The following TAFA5 variants were observed in gnomAD, a reference collection of about 807,000 sequenced individuals.
TAFA5 encodes chemokine-like protein TAFA-5.
In TAFA5, 6 loss-of-function variants were observed where a neutral mutation model predicts 15.3. The ratio of observed to expected loss-of-function variants is 0.39; its 90% CI spans 0.21 to 0.77. The LOEUF is 0.77. Ranked by LOEUF, TAFA5 falls within the 30% of genes least tolerant of loss-of-function variation. The pLI, the probability that TAFA5 is intolerant of heterozygous loss-of-function variation, is 0.41. For synonymous variants in TAFA5, 103 were observed against 80.7 expected, an observed-to-expected ratio of 1.28 and a Z score of -1.48; for missense variants, 161 against 193.1, an observed-to-expected ratio of 0.83 and a Z score of 0.98.
chr22:48,493,760 G>A (rs975461570), intron 1 of TAFA5, among the ~76,000 whole-genome samples: 12 of 152,212 alleles, frequency 7.9e-5, no homozygotes, highest in African/African-American at 2.9e-4. Flanking sequence ...GGAAGAGGCA[G>A]GTTTGTCCCC....
At chr22:48,575,000 A>G (rs1036968326) in intron 1 of TAFA5, among the ~76,000 whole-genome samples, 20 of 152,230 alleles carry the variant, frequency 1.3e-4, no homozygotes, top group Non-Finnish European at 2.8e-4. Context: ...GGTACACAGT[A>G]GGGGCAGGTG....
At chr22:48,685,586 CT>C (rs1461072306) in intron 2 of TAFA5, among the ~76,000 whole-genome samples, 1 of 152,064 alleles carries the variant, frequency 6.6e-6, no homozygotes, top group African/African-American at 2.4e-5. Context: ...AATGATACTG[CT>C]GGTCAGTGGG....
chr22:48,561,679 C>T (rs1204669200), intron 1 of TAFA5, among the ~76,000 whole-genome samples: 5 of 152,240 alleles, frequency 3.3e-5, no homozygotes, highest in Admixed American at 6.5e-5. Flanking sequence ...ACTGGAGATC[C>T]GCGATGCCCA....
intron 1 of TAFA5, among the ~76,000 whole-genome samples, chr22:48,526,270 C>T (rs558339886): frequency 6.6e-6 from 1 of 152,362 alleles, no homozygotes; most frequent in African/African-American, 2.4e-5. Flanking sequence ...ACTATGCCAT[C>T]TGTGTCTTTG....
At chr22:48,698,441 G>GTGATGGTGATGATGA (rs957399379) in intron 2 of TAFA5, among the ~76,000 whole-genome samples, 1 of 151,796 alleles carries the variant, frequency 6.6e-6, no homozygotes, top group African/African-American at 2.4e-5. Flanking sequence ...GGTGGTGGTG[G>GTGATGGTGATGATGA]TGATGGTGAT....
chr22:48,678,030 C>T (rs1453407780), intron 2 of TAFA5, among the ~76,000 whole-genome samples: 1 of 152,132 alleles, frequency 6.6e-6, no homozygotes, highest in Non-Finnish European at 1.5e-5. Context: ...GCCCCTGGGG[C>T]TCCCTATCCC....
chr22:48,589,766 C>T (rs1411114644), intron 1 of TAFA5, among the ~76,000 whole-genome samples: 1 of 152,132 alleles, frequency 6.6e-6, no homozygotes, highest in African/African-American at 2.4e-5. Flanking sequence ...GGAGCACCCG[C>T]AGCCATCAGG....
At position 48,710,262 on chromosome 22, in the gene TAFA5, G is replaced by A. The variant is rs556495221; in HGVS notation, c.390+2418G>A. Among the ~76,000 whole-genome samples the A allele has an allele frequency of 3.5e-4, 54 of 152,286 alleles. No individual in the cohort carries two copies. In the East Asian group the frequency reaches 8.7e-3, roughly 25 times the overall value. ...GTATGCAGGGCGCACACTGGTAAGT[G>A]GGGGACACAGATGTGGCCTGTCCCC... On this transcript the variant is annotated intron_variant, in intron 3 of 3. Coordinates refer to ENST00000402357, the MANE Select transcript of TAFA5 (RefSeq NM_001082967.3).
chr22:48,497,989 T>G (rs1050699699), intron 1 of TAFA5, among the ~76,000 whole-genome samples: 2 of 42,978 alleles, frequency 4.7e-5, no homozygotes, highest in Non-Finnish European at 8.6e-5. Flanking sequence ...GGCTGAAGAG[T>G]GGGGTGGGGC....
At chr22:48,708,876 G>A (rs898626092) in intron 3 of TAFA5, among the ~76,000 whole-genome samples, 1 of 152,240 alleles carries the variant, frequency 6.6e-6, no homozygotes, top group African/African-American at 2.4e-5. Flanking sequence ...TGCCTGAGCA[G>A]CCTCCAAGAG....
intron 1 of TAFA5, among the ~76,000 whole-genome samples, chr22:48,584,670 TCA>T (rs1009152521): frequency 1.4e-4 from 16 of 115,468 alleles, no homozygotes; most frequent in African/African-American, 5.5e-4. Context: ...ACAGCACAAA[TCA>T]CACACACATA....
chr22:48,500,933 C>T (rs766648922), intron 1 of TAFA5, among the ~76,000 whole-genome samples: 4 of 152,102 alleles, frequency 2.6e-5, no homozygotes, highest in Admixed American at 1.3e-4. Context: ...CTGTCAGGGA[C>T]GCATCTTTGA....
At position 48,566,484 on chromosome 22, in the gene TAFA5, CAGAT is replaced by C. The variant is rs1422231234; in HGVS notation, c.112+76781_112+76784del. ...GGATGGATGTTGGATGGGTGGATGA[CAGAT>C]GGATGGATGATGTACAGATGGACAA... On this transcript the variant is annotated intron_variant, in intron 1 of 3. Transcript: ENST00000402357. This position sits in a 1 kb window ranked among gnomAD's most constrained non-coding sequence, Gnocchi z 4.5. 5.9e-5 allele frequency among the ~76,000 whole-genome samples: 9 copies of C among 151,770 alleles called. No homozygotes were observed. Among genetic ancestry groups the C allele is most frequent in the East Asian group, 1.9e-4 (1 of 5,138 alleles).
chr22:48,654,304 G>A (rs558752002), intron 2 of TAFA5, among the ~76,000 whole-genome samples: 13 of 152,328 alleles, frequency 8.5e-5, no homozygotes, highest in African/African-American at 2.4e-4. Context: ...CTGGGGCTGG[G>A]GCGCTGGTGT....
intron 1 of TAFA5, among the ~76,000 whole-genome samples, chr22:48,594,578 T>G (rs1012024306): frequency 6.6e-6 from 1 of 151,912 alleles, no homozygotes; most frequent in Non-Finnish European, 1.5e-5. Context: ...AGCCCCGGTG[T>G]GATGATCCCC....
At chr22:48,738,965 G>A (rs556003517) in intron 3 of TAFA5, among the ~76,000 whole-genome samples, 3 of 152,276 alleles carry the variant, frequency 2.0e-5, no homozygotes, top group South Asian at 2.1e-4. Flanking sequence ...GCCACCCCTC[G>A]TATGAGCATC....
At position 48,530,820 on chromosome 22, in the gene TAFA5, C is replaced by T. The variant is rs1921945262; in HGVS notation, c.112+41116C>T. Among the ~76,000 whole-genome samples the T allele has an allele frequency of 6.6e-6, 1 of 152,132 alleles. No individual in the cohort carries two copies. Among genetic ancestry groups the T allele is most frequent in the Non-Finnish European group, 1.5e-5 (1 of 68,036 alleles). On this transcript the variant is annotated intron_variant, in intron 1 of 3. Coordinates refer to ENST00000402357, the MANE Select transcript of TAFA5 (RefSeq NM_001082967.3). This position sits in a 1 kb window ranked among gnomAD's most constrained non-coding sequence, Gnocchi z 6.0. ...GTGAGGTTTGGGGCAGGAGAGGCGA[C>T]CCCAGTGCGTGTGGCTATGGGCTTC... is the stretch of plus-strand genomic sequence containing the variant.
intron 2 of TAFA5, among the ~76,000 whole-genome samples, chr22:48,702,553 G>T (rs1332603620): frequency 6.8e-6 from 1 of 147,616 alleles, no homozygotes; most frequent in Non-Finnish European, 1.5e-5. Context: ...TGCCCTTTAC[G>T]CCCCGTGCCC....
intron 1 of TAFA5, among the ~76,000 whole-genome samples, chr22:48,579,543 G>A (rs530989141): frequency 6.6e-5 from 10 of 152,348 alleles, no homozygotes; most frequent in African/African-American, 1.2e-4. Flanking sequence ...CGTGTGTCAC[G>A]GAGACGCGAG....
Sources: gnomAD v4.1 joint callset for allele counts (sites outside exome capture counted in the v4.1 genomes callset) on GRCh38, gnomAD v4.1.1 for gene constraint, Gnocchi (gnomAD v3.1) non-coding constraint, MANE v1.5 for transcripts, NCBI Gene and HGNC (gene_info 2026-07-23, HGNC 2026-07-21) for gene names.